Variants in NRXN3 observed in about 807,000 individuals in gnomAD.
NRXN3 encodes neurexin 3, also known as neurexin III.
In NRXN3, 32 loss-of-function variants were observed where a neutral mutation model predicts 137.6. The observed-to-expected ratio is 0.23, with a 90% CI of 0.18 to 0.31. The LOEUF is 0.31. Among genes scored for constraint, NRXN3 ranks in the 10% least tolerant of loss-of-function variants. The pLI is 1.00. For missense variants in NRXN3, 1,574 were observed against 2,062.5 expected (o/e 0.76, Z 4.59); for synonymous variants, 798 against 784.5 (o/e 1.02, Z -0.29).
chr14:78,606,571 C>T (rs1294168747), intron 4 of NRXN3, among the ~76,000 whole-genome samples: 1 of 152,218 alleles, frequency 6.6e-6, no homozygotes, highest in Non-Finnish European at 1.5e-5. Flanking sequence ...AGGCTGTGAA[C>T]TTCTTAAGTG....
intron 4 of NRXN3, among the ~76,000 whole-genome samples, chr14:78,611,147 C>T (rs1014531242): frequency 4.6e-5 from 7 of 152,128 alleles, no homozygotes; most frequent in Admixed American, 4.6e-4. Context: ...TGAAAAATGG[C>T]AGCTAAATGC....
intron 4 of NRXN3, among the ~76,000 whole-genome samples, chr14:78,513,210 C>T (rs752986270): frequency 2.0e-5 from 3 of 152,222 alleles, no homozygotes; most frequent in African/African-American, 4.8e-5. Flanking sequence ...TGTGATCTTG[C>T]ACAACTTCTC....
chr14:79,285,578 A>T (rs1053395832), intron 15 of NRXN3, among the ~76,000 whole-genome samples: 18 of 152,118 alleles, frequency 1.2e-4, no homozygotes, highest in Non-Finnish European at 2.2e-4. Flanking sequence ...TGGCTTGCAG[A>T]TGGCTGTTTT....
At chr14:79,306,558 G>GT (rs2086101636) in intron 15 of NRXN3, among the ~76,000 whole-genome samples, 1 of 152,076 alleles carries the variant, frequency 6.6e-6, no homozygotes, top group Non-Finnish European at 1.5e-5. Flanking sequence ...TTGCTTGACT[G>GT]TTTTTAATGA....
At position 78,948,557 on chromosome 14, in the gene NRXN3, A is replaced by G. The variant is rs78130738; in HGVS notation, c.2276-8685A>G. 3.3e-4 allele frequency among the ~76,000 whole-genome samples: 50 copies of G among 151,338 alleles called. No homozygotes were observed. In the East Asian group the frequency reaches 8.6e-3, roughly 26 times the overall value. ...TATGATGCCAGGCGGCACGTGATGCAGGGTCTGCTGGAAGCGCATACAAAT... is the reference window on the plus strand; with the variant it reads ...TATGATGCCAGGCGGCACGTGATGCGGGGTCTGCTGGAAGCGCATACAAAT... On this transcript the variant is annotated intron_variant, in intron 10 of 20. Transcript: ENST00000335750.
chr14:79,354,065 G>C (rs893357411), intron 15 of NRXN3, among the ~76,000 whole-genome samples: 2 of 152,040 alleles, frequency 1.3e-5, no homozygotes, highest in Non-Finnish European at 2.9e-5. Flanking sequence ...AATGTTTTCC[G>C]ACCCTAAGTG....
At chr14:78,206,716 C>T (rs2062219594) in intron 1 of NRXN3, among the ~76,000 whole-genome samples, 1 of 152,168 alleles carries the variant, frequency 6.6e-6, no homozygotes, top group South Asian at 2.1e-4. Context: ...GAGGTCACTT[C>T]ATGGTCCCGT....
intron 8 of NRXN3, among the ~76,000 whole-genome samples, chr14:78,766,139 A>G (rs1310199886): frequency 6.6e-6 from 1 of 152,194 alleles, no homozygotes; most frequent in Admixed American, 6.5e-5. Context: ...ACATCTTAAT[A>G]TATAAAGGTT....
intron 15 of NRXN3, among the ~76,000 whole-genome samples, chr14:79,430,159 G>A (rs986877003): frequency 7.2e-5 from 11 of 152,008 alleles, no homozygotes; most frequent in East Asian, 1.9e-4. Context: ...AATTGTCCTC[G>A]ACAGAATAAA....
intron 4 of NRXN3, among the ~76,000 whole-genome samples, chr14:78,614,764 G>A (rs952395642): frequency 1.1e-4 from 17 of 152,310 alleles, no homozygotes; most frequent in African/African-American, 4.1e-4. Context: ...TATGCTGGAT[G>A]GCAATTTTCT....
intron 15 of NRXN3, among the ~76,000 whole-genome samples, chr14:79,113,298 A>G (rs971571774): frequency 1.3e-5 from 2 of 152,182 alleles, no homozygotes; most frequent in Non-Finnish European, 2.9e-5. Context: ...ATCCAACTCC[A>G]GAAGAAGTAT....
chr14:79,045,021 C>T (rs983402476), intron 15 of NRXN3, among the ~76,000 whole-genome samples: 6 of 152,118 alleles, frequency 3.9e-5, no homozygotes, highest in East Asian at 1.9e-4. Flanking sequence ...AAAACCATGG[C>T]GTCTCTTAAA....
chr14:78,310,260 CT>C (rs201314931), intron 4 of NRXN3, among the ~76,000 whole-genome samples: 1,609 of 125,618 alleles, frequency 0.013, 10 homozygotes, highest in Admixed American at 0.029. Flanking sequence ...TTATGAATGG[CT>C]TTTTTTTTTT....
intron 15 of NRXN3, among the ~76,000 whole-genome samples, chr14:79,295,861 G>C (rs2084009461): frequency 6.6e-6 from 1 of 152,176 alleles, no homozygotes; most frequent in Admixed American, 6.5e-5. Context: ...TGCACAGTGA[G>C]TTTCCCAGCC....
At chr14:78,604,514 G>C (rs2097231026) in intron 4 of NRXN3, among the ~76,000 whole-genome samples, 2 of 152,294 alleles carry the variant, frequency 1.3e-5, no homozygotes, top group South Asian at 4.2e-4. Flanking sequence ...TTAGTATTAA[G>C]TTAAAGCAAA....
chr14:78,240,811 T>TTGTTCCCTGTTCCC (rs2066989591), intron 1 of NRXN3, among the ~76,000 whole-genome samples: 1 of 152,192 alleles, frequency 6.6e-6, no homozygotes, highest in Non-Finnish European at 1.5e-5. Context: ...GAATAGGTGT[T>TTGTTCCCTGTTCCC]TGTTCCTGGT....
In NRXN3 at chr14:78,810,743, A is replaced by G. The variant is rs185327631; in HGVS notation, c.2275+399A>G. 1.4e-3 allele frequency among the ~76,000 whole-genome samples: 207 copies of G among 152,308 alleles called. 1 individual carries two copies. The highest frequency in any genetic ancestry group is 4.5e-3 in the African/African-American group (188 of 41,560). ...CACTACCAAACAGTTTAGAAAATAA[A>G]AGCACTGTTCTTGACCCACAGGTGG... On this transcript the variant is annotated intron_variant, in intron 10 of 20. Coordinates refer to ENST00000335750, the MANE Select transcript of NRXN3 (RefSeq NM_001330195.2).
chr14:78,405,776 T>C (rs1249558665), intron 4 of NRXN3, among the ~76,000 whole-genome samples: 2 of 152,116 alleles, frequency 1.3e-5, no homozygotes, highest in African/African-American at 4.8e-5. Flanking sequence ...ATTCAACCCA[T>C]ACAAAAATAT....
chr14:78,445,318 C>T (rs186225942), intron 4 of NRXN3, among the ~76,000 whole-genome samples: 155 of 152,300 alleles, frequency 1.0e-3, no homozygotes, highest in African/African-American at 3.6e-3. Flanking sequence ...ATTATCTCTC[C>T]GGAACTCAGG....
Sources: gnomAD v4.1 joint callset for allele counts (sites outside exome capture counted in the v4.1 genomes callset) on GRCh38, gnomAD v4.1.1 for gene constraint, MANE v1.5 for transcripts, NCBI Gene and HGNC (gene_info 2026-07-23, HGNC 2026-07-21) for gene names.